The following EPB41 variants were observed in gnomAD, a reference collection of about 807,000 sequenced individuals.
EPB41 encodes the protein protein 4.1.
EPB41 carries 65 observed loss-of-function variants against 108.0 expected under a neutral mutation model. The ratio of observed to expected loss-of-function variants is 0.60; its 90% CI spans 0.49 to 0.74. The LOEUF (loss-of-function observed/expected upper bound fraction) is 0.74. Ranked by LOEUF, EPB41 falls within the 30% of genes least tolerant of loss-of-function variation. EPB41 has a pLI of 0.00. For missense variants in EPB41, 875 were observed against 1,037.0 expected, an observed-to-expected ratio of 0.84 and a Z score of 2.15; for synonymous variants, 336 against 358.9, an observed-to-expected ratio of 0.94 and a Z score of 0.72.
chr1:28,964,315 G>A (rs1326077419), intron 1 of EPB41, among the ~76,000 whole-genome samples: 2 of 152,088 alleles, frequency 1.3e-5, no homozygotes, highest in Admixed American at 6.6e-5. Flanking sequence ...GTGGTGGTGC[G>A]CCTGTAGTCC....
chr1:28,943,597 T>C (rs1311209819), intron 1 of EPB41, among the ~76,000 whole-genome samples: 3 of 151,822 alleles, frequency 2.0e-5, no homozygotes, highest in Non-Finnish European at 2.9e-5. Flanking sequence ...TGCAGTGAGC[T>C]GATATCGTGC....
At chr1:28,997,191 A>G (rs1218181329) in intron 3 of EPB41, 24 bp from the exon 4 acceptor site, 5 of 1,539,958 alleles carry the variant, frequency 3.2e-6, no homozygotes, top group Non-Finnish European at 4.5e-6. Flanking sequence ...CCTCAACTCA[A>G]CTAAGTCACG....
At chr1:29,061,564 T>C (rs1395070562) in intron 15 of EPB41, among the ~76,000 whole-genome samples, 1 of 138,360 alleles carries the variant, frequency 7.2e-6, no homozygotes, top group Non-Finnish European at 1.5e-5. Flanking sequence ...CCACTGCGCC[T>C]GGCCTTTGTT....
At chr1:28,987,932 G>A (rs763397847) in intron 2 of EPB41, 27 bp downstream of exon 2, 1 of 1,604,544 alleles carries the variant, frequency 6.2e-7, no homozygotes, top group Non-Finnish European at 8.5e-7. Flanking sequence ...ATGGGAGGTG[G>A]GCAAAGGAAG....
chr1:29,112,882 T>G (rs538772747), intron 19 of EPB41, among the ~76,000 whole-genome samples: 4 of 152,270 alleles, frequency 2.6e-5, no homozygotes, highest in African/African-American at 9.6e-5. Context: ...CCTGAACCCA[T>G]GCTAGACAAC....
chr1:28,905,772 T>C (rs2147953561), intron 1 of EPB41, among the ~76,000 whole-genome samples: 1 of 151,982 alleles, frequency 6.6e-6, no homozygotes, highest in African/African-American at 2.4e-5. Flanking sequence ...GGCTGCAACT[T>C]ATTTGCAGTC....
intron 11 of EPB41, among the ~76,000 whole-genome samples, chr1:29,052,796 C>T (rs1644743111): frequency 6.6e-6 from 1 of 152,028 alleles, no homozygotes; most frequent in African/African-American, 2.4e-5. Context: ...GTTTTTGAAA[C>T]TAAAATTACG....
intron 1 of EPB41, among the ~76,000 whole-genome samples, chr1:28,982,049 C>T (rs2095761202): frequency 6.6e-6 from 1 of 151,956 alleles, no homozygotes; most frequent in Non-Finnish European, 1.5e-5. Context: ...TCCCCCCTTC[C>T]CCACCCCACG....
chr1:28,976,060 A>G (rs2095601951), intron 1 of EPB41, among the ~76,000 whole-genome samples: 1 of 152,144 alleles, frequency 6.6e-6, no homozygotes, highest in Non-Finnish European at 1.5e-5. Flanking sequence ...TAACTTCTCA[A>G]CAGATAGGGG....
chr1:29,048,682 C>G (rs976635745), intron 11 of EPB41, among the ~76,000 whole-genome samples: 4 of 152,086 alleles, frequency 2.6e-5, no homozygotes, highest in African/African-American at 9.7e-5. Flanking sequence ...TCTCCTAGGC[C>G]CATGCTTTTT....
intron 2 of EPB41, 24 bp downstream of exon 2, chr1:28,987,929 G>A: frequency 1.2e-6 from 2 of 1,609,642 alleles, no homozygotes; most frequent in Non-Finnish European, 1.7e-6. Flanking sequence ...GATATGGGAG[G>A]TGGGCAAAGG....
intron 1 of EPB41, among the ~76,000 whole-genome samples, chr1:28,978,266 A>G (rs34942076): frequency 2.6e-5 from 4 of 151,358 alleles, no homozygotes; most frequent in Admixed American, 2.6e-4. Flanking sequence ...CTAACTCTTC[A>G]TATGTCTTAA....
At chr1:28,894,747 T>A (rs2090483116) in intron 1 of EPB41, among the ~76,000 whole-genome samples, 1 of 152,114 alleles carries the variant, frequency 6.6e-6, no homozygotes. Flanking sequence ...GATGTACATA[T>A]CACAACACTT....
intron 1 of EPB41, among the ~76,000 whole-genome samples, chr1:28,894,043 C>T (rs780911623): frequency 1.3e-5 from 2 of 152,186 alleles, no homozygotes; most frequent in African/African-American, 4.8e-5. Context: ...TCACATGATA[C>T]AATGCAAAGG....
chr1:28,911,838 T>A (rs1490363473), upstream of EPB41, among the ~76,000 whole-genome samples: 1 of 151,424 alleles, frequency 6.6e-6, no homozygotes, highest in Non-Finnish European at 1.5e-5. Flanking sequence ...AGGCTGGGGG[T>A]TCGAGACCAG....
chr1:29,112,596 G>C, intron 19 of EPB41, 148 bp downstream of exon 19: 1 of 690,988 alleles, frequency 1.4e-6, no homozygotes, highest in Non-Finnish European at 2.6e-6. Flanking sequence ...GACAATCAAA[G>C]TAAGAGGCCT....
intron 4 of EPB41, among the ~76,000 whole-genome samples, chr1:29,005,028 A>G (rs1388461186): frequency 6.6e-6 from 1 of 152,188 alleles, no homozygotes; most frequent in East Asian, 1.9e-4. Context: ...CTAAGGTTGT[A>G]AATGCTGCCG....
At chr1:29,090,870 CTG>C (rs1356482561) in intron 16 of EPB41, among the ~76,000 whole-genome samples, 19 of 152,252 alleles carry the variant, frequency 1.2e-4, no homozygotes, top group African/African-American at 4.6e-4. Flanking sequence ...AAATAATTGT[CTG>C]TGTTGTCCTG....
At chr1:28,923,195 A>C (rs942116588) in intron 1 of EPB41, among the ~76,000 whole-genome samples, 2 of 138,442 alleles carry the variant, frequency 1.4e-5, no homozygotes, top group African/African-American at 5.5e-5. Context: ...TCCCGGATTC[A>C]AGCGATTCTC....
Sources: gnomAD v4.1 joint callset for allele counts (sites outside exome capture counted in the v4.1 genomes callset) on GRCh38, gnomAD v4.1.1 for gene constraint, MANE v1.5 for transcripts, NCBI Gene and HGNC (gene_info 2026-07-23, HGNC 2026-07-21) for gene names.